NAV3: variants seen among roughly 807,000 people sequenced by gnomAD.
The protein encoded by NAV3 is pore membrane and/or filament interacting like protein 1.
In NAV3, 87 loss-of-function variants were observed where a neutral mutation model predicts 244.7. The observed-to-expected ratio is 0.36, with a 90% CI of 0.30 to 0.42. The LOEUF (loss-of-function observed/expected upper bound fraction) is 0.42, where lower values mean the gene tolerates loss of function less well. Ranked by LOEUF, NAV3 falls within the 20% of genes least tolerant of loss-of-function variation. NAV3 has a pLI of 1.00. For missense variants in NAV3, 2,663 were observed against 2,893.3 expected (o/e 0.92, Z 1.83); for synonymous variants, 1,126 against 1,042.2 (o/e 1.08, Z -1.55).
intron 2 of NAV3, among the ~76,000 whole-genome samples, chr12:77,616,734 A>G (rs532623723): frequency 3.3e-5 from 5 of 151,490 alleles, no homozygotes; most frequent in Admixed American, 6.6e-5. Context: ...AGGCGCGCAC[A>G]CACACACACA....
chr12:78,076,285 A>G (rs1457558788), intron 12 of NAV3, among the ~76,000 whole-genome samples: 1 of 152,094 alleles, frequency 6.6e-6, no homozygotes, highest in African/African-American at 2.4e-5. Flanking sequence ...CGTATCTCTT[A>G]TTTATCCTCC....
intron 20 of NAV3, among the ~76,000 whole-genome samples, chr12:78,143,097 A>G (rs1956699022): frequency 1.3e-5 from 2 of 152,176 alleles, no homozygotes; most frequent in African/African-American, 4.8e-5. Flanking sequence ...ATGCCTTCTT[A>G]ATAACTCTCA....
intron 1 of NAV3, among the ~76,000 whole-genome samples, chr12:77,851,740 C>T (rs959325208): frequency 1.6e-4 from 25 of 152,098 alleles, no homozygotes; most frequent in African/African-American, 5.8e-4. Flanking sequence ...GTAAAATTCA[C>T]AACTAATTGT....
chr12:78,182,541 G>GA lies in NAV3; in HGVS notation c.5692+1502dup, dbSNP rs1315977753. Among the ~76,000 whole-genome samples the GA allele has an allele frequency of 5.9e-5, 9 of 151,694 alleles. No individual in the cohort carries two copies. The East Asian group carries it at 1.4e-3, about 23-fold the overall frequency. ...CAAGTTTAATACTGAAGGTGGTTTA[G>GA]AAAAAACAGACACATATAAAAAAAA... On this transcript the variant is annotated intron_variant, in intron 30 of 39. Coordinates refer to ENST00000397909, the MANE Select transcript of NAV3 (RefSeq NM_001024383.2).
intron 23 of NAV3, 96 bp from the exon 24 acceptor site, chr12:78,168,659 A>T: frequency 1.4e-6 from 1 of 698,586 alleles, no homozygotes; most frequent in Non-Finnish European, 2.4e-6. Flanking sequence ...GGAGGTTGTT[A>T]CTACATAAAA....
At chr12:78,160,443 C>T (rs1047055988) in intron 23 of NAV3, among the ~76,000 whole-genome samples, 5 of 144,566 alleles carry the variant, frequency 3.5e-5, no homozygotes, top group Admixed American at 2.1e-4. Flanking sequence ...TGTAAATGTG[C>T]ATAAATGATC....
intron 9 of NAV3, among the ~76,000 whole-genome samples, chr12:78,043,468 A>G (rs1881234834): frequency 6.6e-6 from 1 of 152,060 alleles, no homozygotes; most frequent in Non-Finnish European, 1.5e-5. Context: ...TGCTGGATCA[A>G]ATGGTATTTC....
intron 2 of NAV3, among the ~76,000 whole-genome samples, chr12:77,759,081 C>A (rs1360744815): frequency 1.3e-5 from 2 of 152,220 alleles, no homozygotes; most frequent in African/African-American, 4.8e-5. Flanking sequence ...AGCACAGTCC[C>A]ACTGCACCCT....
intron 1 of NAV3, among the ~76,000 whole-genome samples, chr12:77,922,496 C>G (rs1041950451): frequency 9.2e-5 from 14 of 152,078 alleles, no homozygotes; most frequent in Non-Finnish European, 4.4e-5. Context: ...CCTGTGTGCC[C>G]TACTCCATTG....
chr12:78,018,691 A>G (rs1876640776), intron 8 of NAV3, among the ~76,000 whole-genome samples: 2 of 152,222 alleles, frequency 1.3e-5, no homozygotes, highest in African/African-American at 4.8e-5. Flanking sequence ...GCTCCCAGCC[A>G]GTTCAACAAG....
At chr12:78,006,126 C>T (rs932205258) in intron 7 of NAV3, among the ~76,000 whole-genome samples, 2 of 152,066 alleles carry the variant, frequency 1.3e-5, no homozygotes, top group African/African-American at 4.8e-5. Flanking sequence ...GTGTTTTGTT[C>T]ATCTTTGGAT....
At chr12:78,176,232 C>CAAAA (rs3054757) in intron 25 of NAV3, among the ~76,000 whole-genome samples, 18 of 146,996 alleles carry the variant, frequency 1.2e-4, no homozygotes, top group South Asian at 1.1e-3. Context: ...CTTTTAATAC[C>CAAAA]AAAAAAAAAA....
intron 2 of NAV3, among the ~76,000 whole-genome samples, chr12:77,574,667 A>G (rs1212753263): frequency 6.6e-6 from 1 of 152,166 alleles, no homozygotes; most frequent in South Asian, 2.1e-4. Flanking sequence ...ATTCAAAGCA[A>G]GGTACATTGA....
intron 30 of NAV3, among the ~76,000 whole-genome samples, chr12:78,181,805 A>G (rs1958509695): frequency 6.6e-6 from 1 of 152,028 alleles, no homozygotes. Flanking sequence ...CCATTATAGA[A>G]TGGAGATAGT....
chr12:78,108,656 C>T (rs912356846), intron 12 of NAV3, among the ~76,000 whole-genome samples: 1 of 152,006 alleles, frequency 6.6e-6, no homozygotes, highest in Admixed American at 6.6e-5. Context: ...CCAAGAATAA[C>T]GTTGGAAACT....
At chr12:77,764,559 T>C (rs1354955006) in intron 2 of NAV3, among the ~76,000 whole-genome samples, 3 of 152,246 alleles carry the variant, frequency 2.0e-5, no homozygotes, top group African/African-American at 7.2e-5. Context: ...ACATTTAAAT[T>C]GATATATCAT....
chr12:78,053,218 AAT>A (rs776668829), intron 11 of NAV3, among the ~76,000 whole-genome samples: 120 of 149,196 alleles, frequency 8.0e-4, no homozygotes, highest in African/African-American at 2.7e-3. Context: ...TCCGTCTAAA[AAT>A]ATATATATAT....
intron 29 of NAV3, among the ~76,000 whole-genome samples, chr12:78,180,059 G>A (rs1381389413): frequency 6.6e-6 from 1 of 152,112 alleles, no homozygotes; most frequent in Non-Finnish European, 1.5e-5. Context: ...ACTTTCACCA[G>A]TTTTCTACTG....
chr12:77,725,515 A>G (rs1876836921), intron 2 of NAV3, among the ~76,000 whole-genome samples: 1 of 151,732 alleles, frequency 6.6e-6, no homozygotes, highest in Admixed American at 6.6e-5. Flanking sequence ...TCATGTGCTC[A>G]GTAAAAATGT....
Sources: allele counts gnomAD v4.1 joint callset (sites outside exome capture counted in the v4.1 genomes callset), GRCh38; gene constraint gnomAD v4.1.1; transcripts MANE v1.5; gene names NCBI Gene and HGNC (gene_info 2026-07-23, HGNC 2026-07-21).